MBNL1: variants seen among roughly 807,000 people sequenced by gnomAD.
The protein encoded by MBNL1 is muscleblind-like protein 1.
Under a neutral mutation model 42.2 loss-of-function variants are expected in MBNL1, and 8 were observed. That is an observed-to-expected ratio of 0.19 (90% CI 0.11 to 0.34). The LOEUF (loss-of-function observed/expected upper bound fraction) is 0.34. MBNL1 is among the 10% of genes least tolerant of loss of function. MBNL1 has a pLI of 1.00. For synonymous variants in MBNL1, 169 were observed against 173.9 expected, an observed-to-expected ratio of 0.97 and a Z score of 0.22; for missense variants, 309 against 495.3, an observed-to-expected ratio of 0.62 and a Z score of 3.57.
intron 2 of MBNL1, among the ~76,000 whole-genome samples, chr3:152,365,597 T>C (rs1325775985): frequency 6.6e-6 from 1 of 152,150 alleles, no homozygotes; most frequent in Non-Finnish European, 1.5e-5. Context: ...TAATTTTTTT[T>C]CCCTAAAATT....
chr3:152,355,634 GA>G (rs765842145), intron 2 of MBNL1, among the ~76,000 whole-genome samples: 1 of 152,086 alleles, frequency 6.6e-6, no homozygotes, highest in Non-Finnish European at 1.5e-5. Context: ...TTTACAATTA[GA>G]AAAGTGTAAT....
intron 2 of MBNL1, among the ~76,000 whole-genome samples, chr3:152,325,087 G>GCCCCCC (rs532842950): frequency 2.6e-3 from 40 of 15,338 alleles, no homozygotes; most frequent in Admixed American, 4.3e-3. Context: ...CCACATACCC[G>GCCCCCC]CCCCCCCCCG....
At chr3:152,255,232 G>T (rs1023497229) in intron 2 of MBNL1, among the ~76,000 whole-genome samples, 3 of 152,064 alleles carry the variant, frequency 2.0e-5, no homozygotes, top group African/African-American at 7.2e-5. Flanking sequence ...GAGGTAGCTG[G>T]TTTAAAGCTG....
At chr3:152,262,558 C>G (rs926876709) in intron 2 of MBNL1, 3 of 152,168 alleles carry the variant, frequency 2.0e-5, no homozygotes, top group African/African-American at 7.2e-5. Context: ...AACATTGACA[C>G]TGCTATTGGC....
At chr3:152,304,157 A>C (rs930311055) in intron 2 of MBNL1, among the ~76,000 whole-genome samples, 1 of 152,000 alleles carries the variant, frequency 6.6e-6, no homozygotes, top group African/African-American at 2.4e-5. Context: ...ATATATGTAC[A>C]TACAGGTAAA....
At chr3:152,447,853 A>C (rs1337915396) in intron 6 of MBNL1, 80 bp downstream of exon 6, 1 of 1,326,450 alleles carries the variant, frequency 7.5e-7, no homozygotes, top group East Asian at 2.4e-5. Flanking sequence ...ACCACACCCC[A>C]AGTTTGTTTG....
At chr3:152,272,079 G>C (rs1327964366) in intron 1 of MBNL1, among the ~76,000 whole-genome samples, 1 of 148,960 alleles carries the variant, frequency 6.7e-6, no homozygotes, top group Admixed American at 6.7e-5. Flanking sequence ...CTTTCATGGT[G>C]TCTAGAAAAT....
chr3:152,444,262 G>A (rs2099188112), intron 4 of MBNL1, among the ~76,000 whole-genome samples: 1 of 152,178 alleles, frequency 6.6e-6, no homozygotes, highest in South Asian at 2.1e-4. Context: ...CCTGAATGAA[G>A]ACTGCTTTTA....
intron 6 of MBNL1, among the ~76,000 whole-genome samples, chr3:152,454,936 T>C (rs1730666330): frequency 6.6e-6 from 1 of 152,210 alleles, no homozygotes; most frequent in South Asian, 2.1e-4. Context: ...ATTTATTGCT[T>C]GGCATCCCTC....
chr3:152,341,618 G>T (rs188747335), intron 2 of MBNL1, among the ~76,000 whole-genome samples: 1 of 152,224 alleles, frequency 6.6e-6, no homozygotes, highest in East Asian at 1.9e-4. Context: ...GGAGAGCATG[G>T]GAGCTGTCCA....
intron 4 of MBNL1, among the ~76,000 whole-genome samples, chr3:152,437,515 G>A (rs2099094617): frequency 6.6e-6 from 1 of 152,070 alleles, no homozygotes; most frequent in African/African-American, 2.4e-5. Flanking sequence ...AAATTAGGGG[G>A]TTGCACCAGA....
chr3:152,406,781 G>C (rs2098439845), intron 2 of MBNL1, among the ~76,000 whole-genome samples: 1 of 152,074 alleles, frequency 6.6e-6, no homozygotes, highest in African/African-American at 2.4e-5. Context: ...ATTAAACTTA[G>C]GAGTGTTCTA....
At chr3:152,315,019 T>A (rs2069809867) in intron 2 of MBNL1, among the ~76,000 whole-genome samples, 1 of 152,230 alleles carries the variant, frequency 6.6e-6, no homozygotes, top group African/African-American at 2.4e-5. Context: ...ATTTAGTGTG[T>A]GACAATGAGT....
At chr3:152,284,249 T>TA (rs1449742777) in intron 1 of MBNL1, among the ~76,000 whole-genome samples, 1 of 151,984 alleles carries the variant, frequency 6.6e-6, no homozygotes. Flanking sequence ...AAAGAAAACC[T>TA]AAAAAAAGAA....
chr3:152,410,845 A>G (rs1409200500), intron 2 of MBNL1, among the ~76,000 whole-genome samples: 1 of 152,260 alleles, frequency 6.6e-6, no homozygotes, highest in African/African-American at 2.4e-5. Flanking sequence ...AGCTTTTATT[A>G]CATTATTGAT....
At chr3:152,385,999 A>G (rs1054955801) in intron 2 of MBNL1, among the ~76,000 whole-genome samples, 1 of 152,048 alleles carries the variant, frequency 6.6e-6, no homozygotes, top group Admixed American at 6.6e-5. Context: ...AACATGTGGT[A>G]TTTAGAATGT....
At chr3:152,325,021 G>A (rs2078677558) in intron 2 of MBNL1, among the ~76,000 whole-genome samples, 1 of 130,872 alleles carries the variant, frequency 7.6e-6, no homozygotes. Flanking sequence ...CCCACATCAA[G>A]TTATTAGCCA....
At position 152,456,343 on chromosome 3, in the gene MBNL1, A is replaced by C. The variant is rs756129529; in HGVS notation, c.1074A>C (p.Ala358=). Residue 358 remains alanine, a synonymous_variant, in exon 8 of 10, where the codon GCA becomes GCC. Coordinates refer to ENST00000324210, the MANE Select transcript of MBNL1 (RefSeq NM_021038.5). Reference sequence around the variant, plus strand: ...CTGCCACAAGTGTTCCCTTCGCTGCAACAGCCACAGCCAACCAGGTTTGCT... The same window carrying C: ...CTGCCACAAGTGTTCCCTTCGCTGCCACAGCCACAGCCAACCAGGTTTGCT... ...TTSATSVPFA[A]TATANQIPII... 1.2e-6 allele frequency: 2 copies of C among 1,613,994 alleles called. No individual in the cohort carries two copies. Among genetic ancestry groups the C allele is most frequent in the East Asian group, 4.5e-5 (2 of 44,886 alleles).
chr3:152,258,802 G>T (rs1158705907), intron 2 of MBNL1, among the ~76,000 whole-genome samples: 1 of 152,174 alleles, frequency 6.6e-6, no homozygotes, highest in African/African-American at 2.4e-5. Flanking sequence ...TATCGTCTAA[G>T]CATACCTTCT....
Sources: gnomAD v4.1 joint callset for allele counts (sites outside exome capture counted in the v4.1 genomes callset) on GRCh38, gnomAD v4.1.1 for gene constraint, MANE v1.5 for transcripts, NCBI Gene and HGNC (gene_info 2026-07-23, HGNC 2026-07-21) for gene names.